UTRN: variants seen among roughly 807,000 people sequenced by gnomAD.
UTRN encodes utrophin, also known as dystrophin-related protein 1.
UTRN carries 283 observed loss-of-function variants against 463.9 expected under a neutral mutation model. That is an observed-to-expected ratio of 0.61 (90% CI 0.55 to 0.67). The LOEUF (loss-of-function observed/expected upper bound fraction) is 0.67, where lower values mean the gene tolerates loss of function less well. UTRN is among the 30% of genes least tolerant of loss of function. The pLI is 0.00. For synonymous variants in UTRN, 1,442 were observed against 1,431.5 expected, an observed-to-expected ratio of 1.01 and a Z score of -0.17; for missense variants, 3,922 against 4,084.3, an observed-to-expected ratio of 0.96 and a Z score of 1.08.
intron 70 of UTRN, 64 bp from the exon 71 acceptor site, chr6:144,836,237 G>A: frequency 1.2e-6 from 2 of 1,601,930 alleles, no homozygotes; most frequent in South Asian, 1.1e-5. Flanking sequence ...GAACCTCACA[G>A]ACGATTTTGG....
At chr6:144,630,592 C>T (rs1776406136) in intron 51 of UTRN, among the ~76,000 whole-genome samples, 1 of 152,170 alleles carries the variant, frequency 6.6e-6, no homozygotes, top group Admixed American at 6.5e-5. Flanking sequence ...TTACCTCCCA[C>T]AATACGTGGG....
intron 18 of UTRN, 46 bp from the exon 19 acceptor site, chr6:144,453,736 T>C: frequency 6.5e-7 from 1 of 1,543,278 alleles, no homozygotes; most frequent in Non-Finnish European, 8.9e-7. Flanking sequence ...AACATTATAT[T>C]GAGAAGAAAG....
chr6:144,732,263 CAT>C (rs1227075300), intron 54 of UTRN, among the ~76,000 whole-genome samples: 3,223 of 97,864 alleles, frequency 0.033, 71 homozygotes, highest in Middle Eastern at 0.081. Flanking sequence ...TATATACACA[CAT>C]ATATATATAT....
chr6:144,499,362 T>C lies in UTRN; in HGVS notation c.4699T>C (p.Leu1567=), dbSNP rs780107793. The stretch of plus-strand genomic sequence containing the variant: ...ATGGCTTTCTGCTACTGAAACTGAA[T>C]TGGTACAGAAGTCCACTTCAGAAGG... ...SEWLSATETE[L]VQKSTSEGLL... The change falls in exon 34 of 75, where the codon TTG becomes CTG. Residue 1567 remains leucine (L), a synonymous_variant. Transcript: ENST00000367545. 8 of 1,613,720 alleles carry C rather than the reference T, an allele frequency of 5.0e-6. No individual in the cohort carries two copies. The African/African-American group carries it at 1.1e-4, about 22-fold the overall frequency.
chr6:144,793,658 GCAGAATATTAAGAT>G (rs1776957158), intron 62 of UTRN, among the ~76,000 whole-genome samples, 162 bp from the exon 63 acceptor site: 1 of 152,172 alleles, frequency 6.6e-6, no homozygotes, highest in Non-Finnish European at 1.5e-5. Flanking sequence ...CATATGTAAT[GCAGAATATTAAGAT>G]CAGAATATTA....
intron 2 of UTRN, among the ~76,000 whole-genome samples, chr6:144,341,699 C>T (rs1292846201): frequency 1.3e-5 from 2 of 152,100 alleles, no homozygotes; most frequent in Non-Finnish European, 1.5e-5. Flanking sequence ...GAGGAAGACA[C>T]ATAAAGACAG....
At chr6:144,741,123 T>C (rs1303820184) in intron 54 of UTRN, among the ~76,000 whole-genome samples, 2 of 152,362 alleles carry the variant, frequency 1.3e-5, no homozygotes, top group East Asian at 1.9e-4. Flanking sequence ...TGCCATTTTT[T>C]AAGAAGTATA....
chr6:144,568,900 G>C (rs1039925628), intron 50 of UTRN, among the ~76,000 whole-genome samples: 1 of 152,132 alleles, frequency 6.6e-6, no homozygotes. Flanking sequence ...TGGTGGAGGT[G>C]ATAGAATTAG....
In UTRN at chr6:144,699,362, C is replaced by T. The variant is rs144579437; in HGVS notation, c.7653-725C>T. 1.3e-3 allele frequency among the ~76,000 whole-genome samples: 202 copies of T among 151,592 alleles called. 2 individuals are homozygous for T. Among genetic ancestry groups the T allele is most frequent in the Admixed American group, 4.0e-3 (61 of 15,188 alleles). ...GGCTGAGGCAGCAGAATAGTTTGAA[C>T]CCAGGAGGCAGAGGTCGCAGTGAGC... On this transcript the variant is annotated intron_variant, in intron 52 of 74. Coordinates refer to ENST00000367545, the MANE Select transcript of UTRN (RefSeq NM_007124.3).
At chr6:144,555,218 G>A (rs1799270994) in intron 49 of UTRN, among the ~76,000 whole-genome samples, 1 of 152,090 alleles carries the variant, frequency 6.6e-6, no homozygotes, top group African/African-American at 2.4e-5. Context: ...TACTGTATTA[G>A]TCTGTTCTCA....
intron 51 of UTRN, among the ~76,000 whole-genome samples, chr6:144,644,046 A>G (rs138494783): frequency 1.9e-3 from 293 of 152,280 alleles, no homozygotes; most frequent in African/African-American, 6.7e-3. Flanking sequence ...ATTTATATTT[A>G]CTTTTGCAAA....
intron 51 of UTRN, among the ~76,000 whole-genome samples, chr6:144,584,663 T>G (rs1480365027): frequency 6.6e-6 from 1 of 151,946 alleles, no homozygotes; most frequent in African/African-American, 2.4e-5. Context: ...TTAGATATAT[T>G]GCTGTCTGGA....
At chr6:144,347,954 C>T (rs984154256) in intron 2 of UTRN, among the ~76,000 whole-genome samples, 6 of 151,394 alleles carry the variant, frequency 4.0e-5, no homozygotes, top group African/African-American at 1.5e-4. Flanking sequence ...AGTGATCCTC[C>T]CACCTCAGTC....
intron 52 of UTRN, among the ~76,000 whole-genome samples, chr6:144,684,402 T>A (rs1429357175): frequency 6.6e-6 from 1 of 152,178 alleles, no homozygotes; most frequent in African/African-American, 2.4e-5. Context: ...TTGGTGCCAA[T>A]ATCCATATTC....
chr6:144,447,553 G>A, intron 15 of UTRN, 49 bp from the exon 16 acceptor site: 1 of 1,596,556 alleles, frequency 6.3e-7, no homozygotes, highest in Non-Finnish European at 8.5e-7. Flanking sequence ...GGAACAGAAA[G>A]ACAAAGTCCT....
intron 58 of UTRN, among the ~76,000 whole-genome samples, chr6:144,771,700 A>G (rs1794039514): frequency 6.6e-6 from 1 of 152,108 alleles, no homozygotes; most frequent in Non-Finnish European, 1.5e-5. Flanking sequence ...TGCTGGGATT[A>G]CAGGAAGAGC....
In UTRN at chr6:144,732,247, T is replaced by TATACAC. The variant is rs1554359981; in HGVS notation, c.7939+1764_7939+1765insCACATA. Among the ~76,000 whole-genome samples, 6 of 112,892 alleles carry TATACAC rather than the reference T, an allele frequency of 5.3e-5. No individual in the cohort carries two copies. In the East Asian group the frequency reaches 2.0e-3, roughly 38 times the overall value. The allele number at this position is 112,892 out of a possible 152,430, so 74.1% of individuals were successfully genotyped here. A position where few individuals can be genotyped will look rare whatever the true frequency, so the allele number is the denominator to read the frequency against. On this transcript the variant is annotated intron_variant, in intron 54 of 74. Transcript: ENST00000367545. ...ATATATATATATATATACATATATA[T>TATACAC]ATATATATATACACACATATATATA...
At chr6:144,401,918 G>A (rs1782967766) in intron 2 of UTRN, among the ~76,000 whole-genome samples, 1 of 152,158 alleles carries the variant, frequency 6.6e-6, no homozygotes, top group Non-Finnish European at 1.5e-5. Context: ...AGGCAGCCCA[G>A]CAGTATAAAA....
At chr6:144,333,219 G>A (rs921602023) in intron 2 of UTRN, 2 of 152,128 alleles carry the variant, frequency 1.3e-5, no homozygotes, top group African/African-American at 4.8e-5. Context: ...GGGATTACAG[G>A]TATGAGCCAC....
Sources: gnomAD v4.1 joint callset for allele counts (sites outside exome capture counted in the v4.1 genomes callset) on GRCh38, gnomAD v4.1.1 for gene constraint, MANE v1.5 for transcripts, NCBI Gene and HGNC (gene_info 2026-07-23, HGNC 2026-07-21) for gene names.